Variants in MCF2L2 observed in about 807,000 individuals in gnomAD.
The protein encoded by MCF2L2 is probable guanine nucleotide exchange factor MCF2L2.
MCF2L2 carries 102 observed loss-of-function variants against 150.2 expected under a neutral mutation model. That is an observed-to-expected ratio of 0.68 (90% CI 0.58 to 0.80). The LOEUF (loss-of-function observed/expected upper bound fraction) is 0.80, where lower values mean the gene tolerates loss of function less well. MCF2L2 is among the 30% of genes least tolerant of loss of function. The probability of loss-of-function intolerance (pLI) is 0.00; values close to 1 mark genes in which losing one functional copy is unlikely to be tolerated. For missense variants in MCF2L2, 1,256 were observed against 1,372.8 expected, an observed-to-expected ratio of 0.91 and a Z score of 1.34; for synonymous variants, 465 against 491.3, an observed-to-expected ratio of 0.95 and a Z score of 0.71.
chr3:183,274,193 C>A (rs548307619), intron 15 of MCF2L2, among the ~76,000 whole-genome samples: 25 of 150,520 alleles, frequency 1.7e-4, no homozygotes, highest in Admixed American at 7.3e-4. Context: ...CCAACCTGGA[C>A]GACAGAGCGA....
At chr3:183,325,826 T>G (rs1730002531) in intron 5 of MCF2L2, among the ~76,000 whole-genome samples, 1 of 152,198 alleles carries the variant, frequency 6.6e-6, no homozygotes, top group African/African-American at 2.4e-5. Flanking sequence ...CGAAGAGGAA[T>G]TTTAAGTTGA....
intron 11 of MCF2L2, 178 bp downstream of exon 11, chr3:183,299,827 G>C (rs1372385327): frequency 1.6e-6 from 1 of 612,296 alleles, no homozygotes; most frequent in Non-Finnish European, 2.7e-6. Flanking sequence ...TTTTACCTTC[G>C]TGCCAGGTAT....
At chr3:183,311,821 T>G (rs776532567) in intron 7 of MCF2L2, 49 bp from the exon 8 acceptor site, 1 of 1,566,202 alleles carries the variant, frequency 6.4e-7, no homozygotes, top group South Asian at 1.2e-5. Flanking sequence ...AAAAACAAAT[T>G]CTTGGTAGAA....
rs77940896 is a variant in MCF2L2, at chr3:183,194,605, G to C, written c.2918+617C>G. Among the ~76,000 whole-genome samples, 1,087 of 152,180 alleles carry C rather than the reference G, an allele frequency of 7.1e-3. 9 individuals carry two copies. Among genetic ancestry groups the C allele is most frequent in the African/African-American group, 0.025 (1,032 of 41,496 alleles). ...AGCTCAAGAAAACAGCCAAAAGCAA[G>C]GGCAATTAGGGGAGGTTTCGAACTG... On this transcript the variant is annotated intron_variant, in intron 26 of 29. Transcript: ENST00000328913.
chr3:183,283,630 T>C lies in MCF2L2; in HGVS notation c.1776+5490A>G, dbSNP rs1201947416. On this transcript the variant is annotated intron_variant, in intron 14 of 29. Transcript: ENST00000328913. This position sits in a 1 kb window ranked among gnomAD's most constrained non-coding sequence, Gnocchi z 4.2. ...TCTGCCTCCCAGGTTCAAGTGATTCTCCTGCCTCAGCCTCCTGAGTAGCTG... is the reference window on the plus strand; with the variant it reads ...TCTGCCTCCCAGGTTCAAGTGATTCCCCTGCCTCAGCCTCCTGAGTAGCTG... 6.6e-6 allele frequency among the ~76,000 whole-genome samples: 1 copy of C among 152,072 alleles called. No individual in the cohort carries two copies. The highest frequency in any genetic ancestry group is 6.5e-5 in the Admixed American group (1 of 15,278).
At chr3:183,309,488 G>A (rs1043042948) in intron 10 of MCF2L2, among the ~76,000 whole-genome samples, 2 of 152,090 alleles carry the variant, frequency 1.3e-5, no homozygotes, top group African/African-American at 2.4e-5. Context: ...CGACCTGAGC[G>A]TCCAACTGCA....
intron 15 of MCF2L2, among the ~76,000 whole-genome samples, chr3:183,276,185 A>G (rs1727146201): frequency 6.6e-6 from 1 of 152,264 alleles, no homozygotes; most frequent in South Asian, 2.1e-4. Flanking sequence ...CCGTAAGTGA[A>G]AGAATATAAA....
At chr3:183,417,065 T>C (rs1715628723) in intron 1 of MCF2L2, among the ~76,000 whole-genome samples, 1 of 126,386 alleles carries the variant, frequency 7.9e-6, no homozygotes, top group Non-Finnish European at 1.5e-5. Context: ...TGAGCCAAGA[T>C]CGTGCCACAC....
chr3:183,232,637 A>T (rs1463990536), intron 15 of MCF2L2, among the ~76,000 whole-genome samples: 1 of 152,220 alleles, frequency 6.6e-6, no homozygotes, highest in East Asian at 1.9e-4. Context: ...TTTTTCTCTC[A>T]TAAAAATGGA....
At chr3:183,206,936 AG>A (rs1722500912) in intron 23 of MCF2L2, among the ~76,000 whole-genome samples, 1 of 40,976 alleles carries the variant, frequency 2.4e-5, no homozygotes, top group Non-Finnish European at 6.4e-5. Context: ...GAAGGAAGGA[AG>A]GAAGGAAGGA....
At chr3:183,320,110 T>A (rs76525776) in intron 6 of MCF2L2, among the ~76,000 whole-genome samples, 1 of 151,130 alleles carries the variant, frequency 6.6e-6, no homozygotes, top group African/African-American at 2.4e-5. Flanking sequence ...TTTTTTTTTT[T>A]GAGACAAATT....
At chr3:183,295,163 T>C (rs1194090302) in intron 13 of MCF2L2, 137 bp downstream of exon 13, 7 of 834,002 alleles carry the variant, frequency 8.4e-6, no homozygotes, top group East Asian at 2.7e-5. Flanking sequence ...ATGTCTGCAC[T>C]ATGCTATATC....
chr3:183,393,373 A>C (rs1714272235), intron 1 of MCF2L2, among the ~76,000 whole-genome samples: 11 of 151,716 alleles, frequency 7.3e-5, no homozygotes. Flanking sequence ...TTGTATTTTC[A>C]GTAGGGACAG....
intron 7 of MCF2L2, among the ~76,000 whole-genome samples, chr3:183,316,821 T>A (rs569726633): frequency 6.6e-6 from 1 of 152,198 alleles, no homozygotes; most frequent in South Asian, 2.1e-4. Context: ...TTCTTTCACC[T>A]CAGCCTCCTG....
chr3:183,200,432 A>G (rs190001330), intron 25 of MCF2L2, among the ~76,000 whole-genome samples: 28 of 152,286 alleles, frequency 1.8e-4, no homozygotes, highest in Non-Finnish European at 3.1e-4. Context: ...TTCTTTTGAG[A>G]AGTGACCGTT....
chr3:183,251,307 C>T (rs1234366553), intron 15 of MCF2L2, among the ~76,000 whole-genome samples: 1 of 152,200 alleles, frequency 6.6e-6, no homozygotes, highest in African/African-American at 2.4e-5. Flanking sequence ...CCTGCTTCTC[C>T]TTTCATGATT....
rs774807011 is a variant in MCF2L2, at chr3:183,270,384, A to G, written c.1862+6488T>C. 1.9e-6 allele frequency: 3 copies of G among 1,614,234 alleles called. No individual in the cohort carries two copies. Among genetic ancestry groups the G allele is most frequent in the Admixed American group, 1.7e-5 (1 of 60,026 alleles). The stretch of plus-strand genomic sequence containing the variant: ...ATTTCTTATGACTGCTGATGATGAC[A>G]TATTTATTCACATGCCAAATCTGAT... On this transcript the variant is annotated intron_variant, in intron 15 of 29. Transcript: ENST00000328913. The surrounding 1 kb of genome is among the most constrained non-coding windows in gnomAD (Gnocchi z 4.5).
Position 183,428,400 on chromosome 3 carries a change from G to A in MCF2L2, c.-423C>T, listed in dbSNP as rs1208486927. ...GCCAGGTGCAGGGGAGGCGGCAGGT[G>A]GCCGTGGCTTCTCTGCGCCGCCGGC... On this transcript the variant is annotated 5_prime_UTR_variant, in exon 1 of 30. Coordinates refer to ENST00000328913, the MANE Select transcript of MCF2L2 (RefSeq NM_015078.4). This position sits in a 1 kb window ranked among gnomAD's most constrained non-coding sequence, Gnocchi z 5.1. 1 of 166,046 alleles carries A rather than the reference G, an allele frequency of 6.0e-6. No homozygotes were observed. Among genetic ancestry groups the A allele is most frequent in the East Asian group, 1.9e-4 (1 of 5,382 alleles). 10.3% of individuals were successfully genotyped at this position (166,046 alleles called of 1,614,324 possible). A position where few individuals can be genotyped will look rare whatever the true frequency, so the allele number is the denominator to read the frequency against.
At chr3:183,246,806 C>T (rs1724278205) in intron 15 of MCF2L2, among the ~76,000 whole-genome samples, 1 of 152,162 alleles carries the variant, frequency 6.6e-6, no homozygotes, top group Non-Finnish European at 1.5e-5. Flanking sequence ...GCCAACAGTG[C>T]ACAAAGGCTC....
Sources: allele counts gnomAD v4.1 joint callset (sites outside exome capture counted in the v4.1 genomes callset), GRCh38; gene constraint gnomAD v4.1.1; non-coding constraint Gnocchi (gnomAD v3.1); transcripts MANE v1.5; gene names NCBI Gene and HGNC (gene_info 2026-07-23, HGNC 2026-07-21).